ZNF236: variants seen among roughly 807,000 people sequenced by gnomAD.
The protein encoded by ZNF236 is regulated by glucose.
Under a neutral mutation model 191.2 loss-of-function variants are expected in ZNF236, and 50 were observed. The observed-to-expected ratio is 0.26, with a 90% confidence interval of 0.21 to 0.33. ZNF236 has a LOEUF of 0.33. Among genes scored for constraint, ZNF236 ranks in the 10% least tolerant of loss-of-function variants. The pLI, the probability that ZNF236 is intolerant of heterozygous loss-of-function variation, is 1.00. For synonymous variants in ZNF236, 907 were observed against 928.8 expected, an observed-to-expected ratio of 0.98 and a Z score of 0.43; for missense variants, 1,754 against 2,374.5, an observed-to-expected ratio of 0.74 and a Z score of 5.43.
At chr18:76,823,874 GC>G (rs1161883818) in intron 1 of ZNF236, among the ~76,000 whole-genome samples, 6 of 152,200 alleles carry the variant, frequency 3.9e-5, no homozygotes, top group African/African-American at 1.4e-4. Flanking sequence ...TTCCCGTGCG[GC>G]CTTGGACGCG....
chr18:76,894,166 C>T (rs1977328290), intron 9 of ZNF236, among the ~76,000 whole-genome samples: 1 of 152,166 alleles, frequency 6.6e-6, no homozygotes, highest in African/African-American at 2.4e-5. Context: ...GTTTTAGTTA[C>T]CTGCATTCAA....
intron 26 of ZNF236, among the ~76,000 whole-genome samples, chr18:76,938,009 G>C (rs1346678390): frequency 6.6e-6 from 1 of 152,176 alleles, no homozygotes; most frequent in Non-Finnish European, 1.5e-5. Context: ...ATAGTTGACT[G>C]TAAAAAAGTC....
In ZNF236 at chr18:76,875,175, G is replaced by A. The variant is rs1273021393; in HGVS notation, c.668-317G>A. Among the ~76,000 whole-genome samples, 4 of 152,138 alleles carry A rather than the reference G, an allele frequency of 2.6e-5. No homozygotes were observed. The highest frequency in any genetic ancestry group is 7.2e-5 in the African/African-American group (3 of 41,426). On this transcript the variant is annotated intron_variant, in intron 5 of 30. Coordinates refer to ENST00000320610, the MANE Select transcript of ZNF236 (RefSeq NM_001306089.2). This position sits in a 1 kb window ranked among gnomAD's most constrained non-coding sequence, Gnocchi z 4.3. The stretch of plus-strand genomic sequence containing the variant: ...TTGAAGTTATTATTGAGTGTGAGAC[G>A]TGAGAGAAACCAAAGATAAGGATGA...
chr18:76,890,882 A>G (rs1257318715), intron 9 of ZNF236, among the ~76,000 whole-genome samples: 1 of 152,164 alleles, frequency 6.6e-6, no homozygotes, highest in Non-Finnish European at 1.5e-5. Context: ...CCACCCCAAG[A>G]GAGCAAGACC....
intron 18 of ZNF236, among the ~76,000 whole-genome samples, chr18:76,914,844 A>G (rs1270530436): frequency 6.6e-6 from 1 of 152,140 alleles, no homozygotes; most frequent in Non-Finnish European, 1.5e-5. Flanking sequence ...TACTCAGTAT[A>G]TTCATTATAA....
chr18:76,917,374 C>A (rs1246240223), intron 19 of ZNF236, among the ~76,000 whole-genome samples: 6 of 152,200 alleles, frequency 3.9e-5, no homozygotes, highest in Admixed American at 6.5e-5. Flanking sequence ...CATATTCTTT[C>A]CTGTCAATTA....
chr18:76,960,758 C>T lies in ZNF236; in HGVS notation c.5322C>T (p.His1774=). The change falls in exon 30 of 31, where the codon CAC becomes CAT. Residue 1774 remains histidine (H), a synonymous_variant. Coordinates refer to ENST00000320610, the MANE Select transcript of ZNF236 (RefSeq NM_001306089.2). The surrounding 1 kb of genome is among the most constrained non-coding windows in gnomAD (Gnocchi z 4.4). The part of the protein sequence containing the change: ...KSALQVHMKK[H]TGERPYKCAY... The stretch of plus-strand genomic sequence containing the variant: ...CGCTGCAGGTGCACATGAAGAAGCA[C>T]ACGGGGGAGCGGCCCTACAAGTGTG... 1 of 1,614,086 alleles carries T rather than the reference C, an allele frequency of 6.2e-7. No homozygotes were observed. The highest frequency in any genetic ancestry group is 1.1e-5 in the South Asian group (1 of 91,072).
At chr18:76,868,284 C>A (rs1484368323) in intron 3 of ZNF236, among the ~76,000 whole-genome samples, 2 of 152,162 alleles carry the variant, frequency 1.3e-5, no homozygotes, top group Non-Finnish European at 2.9e-5. Flanking sequence ...AAGGTCGTCT[C>A]TTAAACCATA....
At chr18:76,901,485 G>A (rs114861521) in intron 11 of ZNF236, among the ~76,000 whole-genome samples, 418 of 152,314 alleles carry the variant, frequency 2.7e-3, no homozygotes, top group African/African-American at 9.0e-3. Flanking sequence ...CTGGTTGGGC[G>A]CGGTGGCTCA....
rs1968625206 is a variant in ZNF236 at position 76,960,070 on chromosome 18, G to A, written c.5242+254G>A. ...AGGCAAGCCTCCCGTGCCGTGTCTG[G>A]GATGTTGACCATGTCACGTCCCTCC... is the stretch of plus-strand genomic sequence containing the variant. On this transcript the variant is annotated intron_variant, in intron 29 of 30. Coordinates refer to ENST00000320610, the MANE Select transcript of ZNF236 (RefSeq NM_001306089.2). This position sits in a 1 kb window ranked among gnomAD's most constrained non-coding sequence, Gnocchi z 4.4. Among the ~76,000 whole-genome samples, 1 of 152,112 alleles carries A rather than the reference G, an allele frequency of 6.6e-6. No individual in the cohort carries two copies. The highest frequency in any genetic ancestry group is 1.5e-5 in the Non-Finnish European group (1 of 68,024).
intron 1 of ZNF236, among the ~76,000 whole-genome samples, chr18:76,848,442 T>G (rs1025451110): frequency 6.6e-6 from 1 of 152,226 alleles, no homozygotes; most frequent in Non-Finnish European, 1.5e-5. Flanking sequence ...TTTTAAAAAT[T>G]GTAGAGATTT....
intron 9 of ZNF236, 120 bp downstream of exon 9, chr18:76,881,632 C>CT: frequency 1.2e-6 from 1 of 843,130 alleles, no homozygotes; most frequent in Non-Finnish European, 1.8e-6. Context: ...TGTTTTGTAG[C>CT]TAGCTGTAGT....
intron 3 of ZNF236, among the ~76,000 whole-genome samples, chr18:76,863,932 C>T (rs1045639022): frequency 3.3e-5 from 5 of 152,144 alleles, no homozygotes; most frequent in African/African-American, 7.2e-5. Context: ...TCTGTGTGAA[C>T]GTGGAGAGTG....
At chr18:76,824,603 A>G (rs1457566898) in intron 1 of ZNF236, among the ~76,000 whole-genome samples, 1 of 152,170 alleles carries the variant, frequency 6.6e-6, no homozygotes, top group Admixed American at 6.6e-5. Context: ...AGTTACTTGG[A>G]AGAAGGCTTA....
Position 76,926,962 on chromosome 18 carries a change from T to C in ZNF236, c.4028-75T>C, listed in dbSNP as rs1967713320. ...CAACTTATGTATTTAAAAATCCCTA[T>C]GTAAAAAATGAATTACTTTAGTTTT... On this transcript the variant is annotated intron_variant, in intron 22 of 30. Transcript: ENST00000320610. The C allele has an allele frequency of 1.7e-5, 26 of 1,513,056 alleles. No homozygotes were observed. In the South Asian group the frequency reaches 1.9e-4, roughly 11 times the overall value. 93.7% of individuals were successfully genotyped at this position (1,513,056 alleles called of 1,614,324 possible). A position where few individuals can be genotyped will look rare whatever the true frequency, so the allele number is the denominator to read the frequency against.
At position 76,927,675 on chromosome 18, in the gene ZNF236, T is replaced by A. The variant is rs137900603; in HGVS notation, c.4414+158T>A. On this transcript the variant is annotated intron_variant, in intron 24 of 30. Transcript: ENST00000320610. This position sits in a 1 kb window ranked among gnomAD's most constrained non-coding sequence, Gnocchi z 5.4. ...AGAATAAAATAAGCTTTTCTTACAA[T>A]TAATGATATGTATTTAATATATGCT... Among the ~76,000 whole-genome samples the A allele has an allele frequency of 5.5e-3, 840 of 152,358 alleles. 3 individuals are homozygous for A. The highest frequency in any genetic ancestry group is 7.9e-3 in the Non-Finnish European group (535 of 68,030).
At chr18:76,833,339 G>C (rs9646580) in intron 1 of ZNF236, among the ~76,000 whole-genome samples, 1 of 151,984 alleles carries the variant, frequency 6.6e-6, no homozygotes, top group Non-Finnish European at 1.5e-5. Context: ...GGTTTCTTTT[G>C]GGGGGTGGAG....
rs1489364544 is a variant in ZNF236, at chr18:76,880,073, G to A, written c.985-40G>A. ...TTAATTTTCCTTTTTAAATTGAAGAGCAAAATTGTATTTTTAATGAAAATG... is the reference window on the plus strand; with the variant it reads ...TTAATTTTCCTTTTTAAATTGAAGAACAAAATTGTATTTTTAATGAAAATG... On this transcript the variant is annotated intron_variant, in intron 7 of 30. Transcript: ENST00000320610. The surrounding 1 kb of genome is among the most constrained non-coding windows in gnomAD (Gnocchi z 5.0). 1 of 1,543,472 alleles carries A rather than the reference G, an allele frequency of 6.5e-7. No homozygotes were observed.
chr18:76,910,486 G>A (rs9949395), intron 15 of ZNF236, among the ~76,000 whole-genome samples, 174 bp from the exon 16 acceptor site: 4,760 of 152,256 alleles, frequency 0.031, 245 homozygotes, highest in African/African-American at 0.11. Flanking sequence ...GCTGAGCACA[G>A]CCTCCTGCCT....
Sources: gnomAD v4.1 joint callset for allele counts (sites outside exome capture counted in the v4.1 genomes callset) on GRCh38, gnomAD v4.1.1 for gene constraint, Gnocchi (gnomAD v3.1) non-coding constraint, MANE v1.5 for transcripts, NCBI Gene and HGNC (gene_info 2026-07-23, HGNC 2026-07-21) for gene names.